The following WWTR1 variants were observed in gnomAD, a reference collection of about 807,000 sequenced individuals.
WWTR1 encodes the protein WW domain-containing transcription regulator protein 1.
Under a neutral mutation model 40.1 loss-of-function variants are expected in WWTR1, and 13 were observed. The observed-to-expected ratio is 0.32, with a 90% CI of 0.21 to 0.52. The LOEUF (loss-of-function observed/expected upper bound fraction) is 0.52, where lower values mean the gene tolerates loss of function less well. Ranked by LOEUF, WWTR1 falls within the 20% of genes least tolerant of loss-of-function variation. WWTR1 has a pLI of 0.97. For missense variants in WWTR1, 436 were observed against 523.1 expected (o/e 0.83, Z 1.63); for synonymous variants, 230 against 210.1 (o/e 1.09, Z -0.82).
At chr3:149,608,235 T>A (rs892425896) in intron 2 of WWTR1, among the ~76,000 whole-genome samples, 3 of 152,058 alleles carry the variant, frequency 2.0e-5, no homozygotes, top group Non-Finnish European at 4.4e-5. Flanking sequence ...AGAAAAAAAA[T>A]TTATTTAGAA....
intron 2 of WWTR1, among the ~76,000 whole-genome samples, chr3:149,591,019 C>T (rs1738693532): frequency 6.6e-6 from 1 of 150,494 alleles, no homozygotes; most frequent in South Asian, 2.1e-4. Flanking sequence ...TTTTTTAACA[C>T]CCTGGTTTTA....
intron 2 of WWTR1, among the ~76,000 whole-genome samples, chr3:149,616,287 C>T (rs1159876069): frequency 6.6e-6 from 1 of 152,194 alleles, no homozygotes; most frequent in Non-Finnish European, 1.5e-5. Flanking sequence ...CGCTTCCCAC[C>T]CTTTCTTTCT....
intron 2 of WWTR1, among the ~76,000 whole-genome samples, chr3:149,603,554 C>A (rs189735784): frequency 1.9e-4 from 28 of 146,594 alleles, no homozygotes; most frequent in African/African-American, 5.2e-4. Context: ...TTCCCCACCC[C>A]CCCCTTGTAC....
At chr3:149,656,744 G>A (rs183251958) in intron 2 of WWTR1, 132 bp downstream of exon 2, 1 of 911,786 alleles carries the variant, frequency 1.1e-6, no homozygotes. Context: ...ACCGTGGAAG[G>A]ACACGCACCA....
upstream of WWTR1, among the ~76,000 whole-genome samples, chr3:149,704,151 CT>C: frequency 6.6e-6 from 1 of 152,176 alleles, no homozygotes; most frequent in Non-Finnish European, 1.5e-5. Flanking sequence ...CCAAGAATAT[CT>C]TTTTAAAAAT....
intron 4 of WWTR1, among the ~76,000 whole-genome samples, chr3:149,530,363 A>C (rs905540913): frequency 3.3e-5 from 5 of 151,564 alleles, no homozygotes; most frequent in Non-Finnish European, 7.4e-5. Context: ...AAGAAAAAAA[A>C]AATACAAGTT....
At position 149,521,006 on chromosome 3, in the gene WWTR1, A is replaced by G; in HGVS notation, c.1019-17T>C. 1 of 1,561,206 alleles carries G rather than the reference A, an allele frequency of 6.4e-7. No individual in the cohort carries two copies. The highest frequency in any genetic ancestry group is 2.3e-5 in the East Asian group (1 of 43,470). On this transcript the variant is annotated splice_polypyrimidine_tract_variant and intron_variant, in intron 6 of 6. Coordinates refer to ENST00000360632, the MANE Select transcript of WWTR1 (RefSeq NM_015472.6). ...CGTTTTCTCCTATAACAAAATGAAA[A>G]GAAACCATTTTAATTCCTTCTTTTA...
chr3:149,623,683 A>G (rs1401095778), intron 2 of WWTR1, among the ~76,000 whole-genome samples: 1 of 152,212 alleles, frequency 6.6e-6, no homozygotes, highest in Admixed American at 6.5e-5. Flanking sequence ...GTAAATCTGT[A>G]TAAGTGGAAA....
At chr3:149,720,297 A>C (rs535355456) in intron 4 of WWTR1, among the ~76,000 whole-genome samples, 22 of 152,320 alleles carry the variant, frequency 1.4e-4, no homozygotes, top group South Asian at 6.2e-4. Flanking sequence ...AATTATGCGT[A>C]TGGTATTAGG....
At chr3:149,538,340 T>C (rs1490887595) in intron 4 of WWTR1, among the ~76,000 whole-genome samples, 1 of 152,202 alleles carries the variant, frequency 6.6e-6, no homozygotes, top group African/African-American at 2.4e-5. Flanking sequence ...AGTTGCCATT[T>C]CTTTGGTGAA....
intron 1 of WWTR1, among the ~76,000 whole-genome samples, chr3:149,687,903 G>A (rs937869846): frequency 3.9e-5 from 6 of 151,998 alleles, no homozygotes; most frequent in African/African-American, 1.4e-4. Flanking sequence ...AGACCTGACA[G>A]GATTCACCTG....
chr3:149,617,320 C>G (rs1261471190), intron 2 of WWTR1, among the ~76,000 whole-genome samples: 1 of 152,196 alleles, frequency 6.6e-6, no homozygotes, highest in African/African-American at 2.4e-5. Flanking sequence ...CTCTTTCCTT[C>G]TGTCCCCATC....
intron 6 of WWTR1, among the ~76,000 whole-genome samples, chr3:149,521,500 C>T (rs1560041700): frequency 6.6e-6 from 1 of 152,144 alleles, no homozygotes. Flanking sequence ...TCTGTAATAC[C>T]TACACCCTAC....
At chr3:149,573,030 T>C in intron 2 of WWTR1, 30 bp from the exon 3 acceptor site, 2 of 1,566,814 alleles carry the variant, frequency 1.3e-6, no homozygotes, top group Non-Finnish European at 1.7e-6. Flanking sequence ...TAATTATCTT[T>C]TTAATTGTCA....
At chr3:149,647,289 C>A (rs1237884725) in intron 2 of WWTR1, among the ~76,000 whole-genome samples, 5 of 152,084 alleles carry the variant, frequency 3.3e-5, no homozygotes, top group Non-Finnish European at 5.9e-5. Flanking sequence ...TATTTATTAC[C>A]TCTTTAAAAA....
At chr3:149,523,065 T>TA (rs35874540) in intron 6 of WWTR1, among the ~76,000 whole-genome samples, 67,819 of 141,344 alleles carry the variant, frequency 0.48, 18,051 homozygotes, top group Non-Finnish European at 0.61. Context: ...GACCCCGTAT[T>TA]AAAAAAAAAA....
intron 2 of WWTR1, among the ~76,000 whole-genome samples, chr3:149,635,002 C>A (rs1216053252): frequency 6.6e-6 from 1 of 152,200 alleles, no homozygotes; most frequent in Non-Finnish European, 1.5e-5. Context: ...GGAATCCCTG[C>A]CTTTCTTGCA....
At chr3:149,675,158 A>G (rs1423752662) in intron 1 of WWTR1, among the ~76,000 whole-genome samples, 1 of 152,198 alleles carries the variant, frequency 6.6e-6, no homozygotes, top group African/African-American at 2.4e-5. Context: ...GTATCTACAC[A>G]TCAGGGAAGA....
At chr3:149,607,231 T>C (rs1305202929) in intron 2 of WWTR1, among the ~76,000 whole-genome samples, 3 of 152,236 alleles carry the variant, frequency 2.0e-5, no homozygotes. Flanking sequence ...TGAGGAGAAA[T>C]GTGTAACATA....
Sources: allele counts gnomAD v4.1 joint callset (sites outside exome capture counted in the v4.1 genomes callset), GRCh38; gene constraint gnomAD v4.1.1; transcripts MANE v1.5; gene names NCBI Gene and HGNC (gene_info 2026-07-23, HGNC 2026-07-21).